GNAO1: variants seen among roughly 807,000 people sequenced by gnomAD.
The protein encoded by GNAO1 is G protein subunit alpha o1, also known as guanine nucleotide-binding protein G(o) subunit alpha.
For missense variants in GNAO1, 166 were observed against 478.7 expected (o/e 0.35, Z 6.10); for synonymous variants, 164 against 180.7 (o/e 0.91, Z 0.74).
chr16:56,348,925 C>G (rs2037897737), intron 6 of GNAO1, among the ~76,000 whole-genome samples: 1 of 152,216 alleles, frequency 6.6e-6, no homozygotes, highest in South Asian at 2.1e-4. Context: ...ACTCCTGGGA[C>G]CACAGACTGT....
chr16:56,347,471 C>G, intron 6 of GNAO1: 1 of 985,590 alleles, frequency 1.0e-6, no homozygotes, highest in Non-Finnish European at 1.2e-6. Flanking sequence ...GAGTCCTGAC[C>G]CCTGACCCCA....
intron 2 of GNAO1, among the ~76,000 whole-genome samples, chr16:56,227,995 G>A (rs1381498501): frequency 6.6e-6 from 1 of 152,080 alleles, no homozygotes; most frequent in Non-Finnish European, 1.5e-5. Flanking sequence ...GGCTCCCTTG[G>A]ACCGAGAAGC....
rs145416852 is a variant in GNAO1, at chr16:56,330,692, C to G, written c.464+1901C>G. ...TCACCTTCCTTCCTTCCATCGCTCT[C>G]CACCTTCACCTCCGGCTTTTTGCTA... On this transcript the variant is annotated intron_variant, in intron 4 of 8. Coordinates refer to ENST00000262493, the MANE Select transcript of GNAO1 (RefSeq NM_020988.3). Among the ~76,000 whole-genome samples the G allele has an allele frequency of 5.3e-5, 8 of 152,322 alleles. No homozygotes were observed. In the East Asian group the frequency reaches 1.5e-3, roughly 29 times the overall value.
intron 6 of GNAO1, chr16:56,340,614 C>T (rs1024312032): frequency 8.2e-5 from 46 of 561,132 alleles, no homozygotes; most frequent in Middle Eastern, 4.7e-4. Context: ...CCCTGCCCGG[C>T]CCTGCTCCGC....
intron 2 of GNAO1, among the ~76,000 whole-genome samples, chr16:56,250,551 G>A (rs2036790216): frequency 6.6e-6 from 1 of 152,214 alleles, no homozygotes; most frequent in African/African-American, 2.4e-5. Flanking sequence ...CTGATCCTGA[G>A]TATCAGTCAT....
intron 2 of GNAO1, among the ~76,000 whole-genome samples, chr16:56,211,058 T>C (rs2036381866): frequency 6.6e-6 from 1 of 152,228 alleles, no homozygotes; most frequent in African/African-American, 2.4e-5. Context: ...TTCCTATGGC[T>C]AGCTAGTAGC....
chr16:56,210,854 A>G (rs11640857), intron 2 of GNAO1, among the ~76,000 whole-genome samples: 21,306 of 151,654 alleles, frequency 0.14, 1,997 homozygotes, highest in African/African-American at 0.26. Flanking sequence ...TTTTCTCCTA[A>G]CCTGTGGTTT....
intron 2 of GNAO1, among the ~76,000 whole-genome samples, chr16:56,265,286 A>G (rs2036941096): frequency 6.6e-6 from 1 of 152,194 alleles, no homozygotes; most frequent in Non-Finnish European, 1.5e-5. Context: ...CTTCTTCCTG[A>G]AGTCATCTCT....
chr16:56,337,966 G>A (rs2143668279), intron 6 of GNAO1, among the ~76,000 whole-genome samples: 1 of 152,332 alleles, frequency 6.6e-6, no homozygotes, highest in Middle Eastern at 3.4e-3. Context: ...TCTGAAGGCT[G>A]GCACCGAGGG....
At chr16:56,324,171 G>A (rs2037605740) in intron 3 of GNAO1, among the ~76,000 whole-genome samples, 1 of 152,148 alleles carries the variant, frequency 6.6e-6, no homozygotes. Context: ...TACTGGAGTG[G>A]GACCCATTAA....
chr16:56,196,529 T>C (rs1168842393), intron 2 of GNAO1, among the ~76,000 whole-genome samples: 1 of 152,246 alleles, frequency 6.6e-6, no homozygotes, highest in African/African-American at 2.4e-5. Context: ...TTCCCAGTTC[T>C]GAACAAATAG....
At chr16:56,193,890 T>G in intron 2 of GNAO1, 1 of 357,782 alleles carries the variant, frequency 2.8e-6, no homozygotes, top group Non-Finnish European at 5.5e-6. Context: ...TAGGGGTTGC[T>G]GTGCAGTAAA....
intron 3 of GNAO1, among the ~76,000 whole-genome samples, chr16:56,306,406 C>T (rs186326823): frequency 6.7e-4 from 102 of 152,332 alleles, no homozygotes; most frequent in African/African-American, 2.3e-3. Context: ...CCCGCTCCTT[C>T]AGGGTTTCCT....
intron 3 of GNAO1, chr16:56,307,181 G>A (rs1286188278): frequency 3.9e-5 from 6 of 152,206 alleles, no homozygotes; most frequent in Admixed American, 3.9e-4. Flanking sequence ...CCAGGAGGGG[G>A]CTGCTCCCTT....
At position 56,283,277 on chromosome 16, in the gene GNAO1, C is replaced by G. The variant is rs557851214; in HGVS notation, c.303+7205C>G. 8.5e-5 allele frequency among the ~76,000 whole-genome samples: 13 copies of G among 152,262 alleles called. 1 individual carries two copies. In the South Asian group the frequency reaches 2.5e-3, roughly 29 times the overall value. On this transcript the variant is annotated intron_variant, in intron 3 of 8. Transcript: ENST00000262493. ...TTCAGGGTGTGGGGGGCAGCACGAC[C>G]CTAACAGGGGGCTCCCTGCTCTATC...
intron 2 of GNAO1, among the ~76,000 whole-genome samples, chr16:56,256,565 A>C (rs1226743209): frequency 6.6e-6 from 1 of 152,154 alleles, no homozygotes; most frequent in African/African-American, 2.4e-5. Context: ...TCTCTAATTT[A>C]GGATTGAACA....
At chr16:56,294,900 C>T (rs866939204) in intron 3 of GNAO1, among the ~76,000 whole-genome samples, 13 of 113,942 alleles carry the variant, frequency 1.1e-4, no homozygotes, top group South Asian at 3.0e-4. Context: ...TTGGGCCATG[C>T]GTATATCTTC....
chr16:56,209,067 C>T (rs1392872058), intron 2 of GNAO1, among the ~76,000 whole-genome samples: 3 of 152,076 alleles, frequency 2.0e-5, no homozygotes, highest in Non-Finnish European at 2.9e-5. Flanking sequence ...CTTTCCTTAT[C>T]TTGAAGCTCA....
At chr16:56,280,676 G>T (rs2037105692) in intron 3 of GNAO1, among the ~76,000 whole-genome samples, 1 of 152,144 alleles carries the variant, frequency 6.6e-6, no homozygotes, top group Non-Finnish European at 1.5e-5. Context: ...CTAGGTGAGG[G>T]GTCAGAAAGG....
Sources: gnomAD v4.1 joint callset for allele counts (sites outside exome capture counted in the v4.1 genomes callset) on GRCh38, gnomAD v4.1.1 for gene constraint, MANE v1.5 for transcripts, NCBI Gene and HGNC (gene_info 2026-07-23, HGNC 2026-07-21) for gene names.